The following ATP2C2 variants were observed in gnomAD, a reference collection of about 807,000 sequenced individuals.
ATP2C2 encodes the protein calcium-transporting ATPase type 2C member 2.
ATP2C2 carries 171 observed loss-of-function variants against 110.8 expected under a neutral mutation model. That is an observed-to-expected ratio of 1.54 (90% confidence interval 1.36 to 1.75). ATP2C2 has a LOEUF of 1.75. ATP2C2 is among the 40% of genes most tolerant of loss of function. The probability of loss-of-function intolerance (pLI) is 0.00; values close to 1 mark genes in which losing one functional copy is unlikely to be tolerated. For missense variants in ATP2C2, 1,963 were observed against 1,235.0 expected (o/e 1.59, Z -8.84); for synonymous variants, 804 against 508.4 (o/e 1.58, Z -7.82).
intron 13 of ATP2C2, among the ~76,000 whole-genome samples, chr16:84,440,531 C>T (rs4782966): frequency 0.4 from 61,570 of 152,040 alleles, 12,655 homozygotes; most frequent in East Asian, 0.55. Context: ...GTATGGGCTG[C>T]AAAGGCTAAC....
chr16:84,439,358 C>A, intron 12 of ATP2C2, 68 bp downstream of exon 12: 1 of 1,612,854 alleles, frequency 6.2e-7, no homozygotes, highest in Non-Finnish European at 8.5e-7. Context: ...TCAGGGCAAT[C>A]CAGCCTGGGG....
intron 1 of ATP2C2, among the ~76,000 whole-genome samples, chr16:84,379,117 C>G (rs1910423028): frequency 6.6e-6 from 1 of 150,670 alleles, no homozygotes; most frequent in Non-Finnish European, 1.5e-5. Context: ...CTCTTCCCCT[C>G]TCTTCCCCTC....
In ATP2C2 at chr16:84,462,010, G is replaced by A. The variant is rs181832301; in HGVS notation, c.2603G>A (p.Gly868Asp). The change falls in exon 26 of 27, where the codon GGC (glycine) becomes GAC (aspartate). Residue 868 changes from glycine (G) to aspartate (D), a missense_variant. Transcript: ENST00000262429. ...CAGACCAAGCTGATATTTGAGATCG[G>A]CTTTCTCAGGAACCACATGTTCCTC... ...RSQTKLIFEI[G>D]FLRNHMFLYS... 4 of 1,613,882 alleles carry A rather than the reference G, an allele frequency of 2.5e-6. No homozygotes were observed. The highest frequency in any genetic ancestry group is 2.2e-5 in the East Asian group (1 of 44,876).
Position 84,455,029 on chromosome 16 carries a change from G to A in ATP2C2, c.2147+45G>A, listed in dbSNP as rs757116129. ...GTTTTTCAGTTGCAAAAATGCCTGG[G>A]GTCACCAGCTTCTCCCTGGAACCTG... On this transcript the variant is annotated intron_variant, in intron 21 of 26. Coordinates refer to ENST00000262429, the MANE Select transcript of ATP2C2 (RefSeq NM_014861.4). 2.5e-6 allele frequency: 4 copies of A among 1,578,416 alleles called. No homozygotes were observed. In the Admixed American group the frequency reaches 5.1e-5, roughly 20 times the overall value.
intron 21 of ATP2C2, among the ~76,000 whole-genome samples, chr16:84,456,155 G>T: frequency 8.6e-6 from 1 of 116,630 alleles, no homozygotes; most frequent in Admixed American, 9.8e-5. Context: ...AATGAGTTAG[G>T]GAGGATTCCC....
intron 1 of ATP2C2, among the ~76,000 whole-genome samples, chr16:84,370,665 T>G (rs1461976328): frequency 1.4e-5 from 2 of 141,050 alleles, no homozygotes; most frequent in Non-Finnish European, 3.0e-5. Flanking sequence ...TCTACAATAG[T>G]TGGAATTGTC....
chr16:84,458,858 C>T (rs969118763), intron 21 of ATP2C2, among the ~76,000 whole-genome samples: 1 of 152,188 alleles, frequency 6.6e-6, no homozygotes, highest in African/African-American at 2.4e-5. Context: ...AATTCATGGT[C>T]TGATTGGAGG....
intron 1 of ATP2C2, among the ~76,000 whole-genome samples, chr16:84,394,991 G>A (rs985351884): frequency 6.6e-6 from 1 of 152,226 alleles, no homozygotes; most frequent in South Asian, 2.1e-4. Context: ...TTGCATTCCT[G>A]TTTGAGGCTG....
intron 21 of ATP2C2, among the ~76,000 whole-genome samples, chr16:84,456,316 G>C (rs1910785407): frequency 2.0e-5 from 3 of 151,584 alleles, no homozygotes; most frequent in Non-Finnish European, 4.4e-5. Flanking sequence ...GCCTGTTATT[G>C]GTCTATTCAG....
rs576194662 is a variant in ATP2C2 at position 84,410,825 on chromosome 16, T to C, written c.515+60T>C. On this transcript the variant is annotated intron_variant, in intron 6 of 26. Transcript: ENST00000262429. The stretch of plus-strand genomic sequence containing the variant: ...CTGGAGGAGCCAGGGAGCTGGAGAG[T>C]TTGGCAAATGTTTGCTGAAAGTTGT... 1.5e-5 allele frequency: 23 copies of C among 1,525,330 alleles called. No homozygotes were observed. The East Asian group carries it at 2.0e-4, about 13-fold the overall frequency. 94.5% of individuals were successfully genotyped at this position (1,525,330 alleles called of 1,614,324 possible). A position where few individuals can be genotyped will look rare whatever the true frequency, so the allele number is the denominator to read the frequency against.
At chr16:84,449,518 G>C (rs186293114) in intron 17 of ATP2C2, among the ~76,000 whole-genome samples, 12 of 152,282 alleles carry the variant, frequency 7.9e-5, no homozygotes, top group Admixed American at 2.6e-4. Context: ...GGAGAGCAGT[G>C]ACTTCATTGA....
At position 84,458,715 on chromosome 16, in the gene ATP2C2, G is replaced by A. The variant is rs1043168430; in HGVS notation, c.2148-405G>A. 6.6e-5 allele frequency among the ~76,000 whole-genome samples: 10 copies of A among 152,142 alleles called. No individual in the cohort carries two copies. The East Asian group carries it at 1.2e-3, about 18-fold the overall frequency. On this transcript the variant is annotated intron_variant, in intron 21 of 26. Transcript: ENST00000262429. ...GCCTCCCCATCCCTCCCTCCTTACC[G>A]TCCTCCGGACCTCATTTTTAGGCCG... is the stretch of plus-strand genomic sequence containing the variant.
chr16:84,389,546 T>C (rs1904523726), intron 1 of ATP2C2, among the ~76,000 whole-genome samples: 1 of 152,138 alleles, frequency 6.6e-6, no homozygotes, highest in African/African-American at 2.4e-5. Context: ...AGTGCAAAGG[T>C]AACTGGCATC....
intron 6 of ATP2C2, among the ~76,000 whole-genome samples, chr16:84,413,014 G>A (rs918180297): frequency 1.3e-5 from 2 of 151,534 alleles, no homozygotes; most frequent in Admixed American, 1.3e-4. Flanking sequence ...CAGGAGAATT[G>A]CCTGAACCCA....
At chr16:84,420,027 A>G (rs76680098) in intron 7 of ATP2C2, among the ~76,000 whole-genome samples, 1 of 152,196 alleles carries the variant, frequency 6.6e-6, no homozygotes, top group Non-Finnish European at 1.5e-5. Context: ...AAAGCCTGAT[A>G]AGTTTTCGCT....
At chr16:84,454,776 G>A (rs1199117444) in intron 20 of ATP2C2, 42 bp from the exon 21 acceptor site, 1 of 1,530,152 alleles carries the variant, frequency 6.5e-7, no homozygotes, top group Non-Finnish European at 8.8e-7. Flanking sequence ...ACTGGGAGGT[G>A]GTCGTCAGGC....
rs747575746 is a variant in ATP2C2 at position 84,452,054 on chromosome 16, G to C, written c.1794G>C (p.Met598Ile). 20 of 1,613,920 alleles carry C rather than the reference G, an allele frequency of 1.2e-5. No individual in the cohort carries two copies. Among genetic ancestry groups the C allele is most frequent in the Non-Finnish European group, 1.4e-5 (17 of 1,179,992 alleles). The change falls in exon 18 of 27, where the codon ATG becomes ATC. Residue 598 changes from methionine (M) to isoleucine (I), a missense_variant. Met to Ile is a conservative substitution (Grantham distance 10, BLOSUM62 1). Coordinates refer to ENST00000262429, the MANE Select transcript of ATP2C2 (RefSeq NM_014861.4). Reference protein sequence around the residue: ...VLSESGVSVKMITGDALETAL... With the variant: ...VLSESGVSVKIITGDALETAL... ...CCGAGTCTGGTGTGTCTGTGAAGAT[G>C]ATAACGGGGGATGCCCTGGAGACGG... is the stretch of plus-strand genomic sequence containing the variant.
At chr16:84,439,337 G>C (rs1280291397) in intron 12 of ATP2C2, 47 bp downstream of exon 12, 3 of 1,613,496 alleles carry the variant, frequency 1.9e-6, no homozygotes, top group East Asian at 2.2e-5. Flanking sequence ...AATTGAATGG[G>C]GGCTTGGCTG....
At chr16:84,447,764 AATAAT>A (rs1168441233) in intron 16 of ATP2C2, among the ~76,000 whole-genome samples, 27 of 140,718 alleles carry the variant, frequency 1.9e-4, no homozygotes, top group African/African-American at 6.1e-4. Flanking sequence ...TATACATATA[AATAAT>A]ATAATGTAAT....
Sources: gnomAD v4.1 joint callset for allele counts (sites outside exome capture counted in the v4.1 genomes callset) on GRCh38, gnomAD v4.1.1 for gene constraint, MANE v1.5 for transcripts, NCBI Gene and HGNC (gene_info 2026-07-23, HGNC 2026-07-21) for gene names.